Variants in AGMO observed in about 807,000 individuals in gnomAD.
AGMO encodes alkylglycerol monooxygenase.
AGMO carries 75 observed loss-of-function variants against 60.2 expected under a neutral mutation model. That is an observed-to-expected ratio of 1.25 (90% CI 1.03 to 1.51). The LOEUF is 1.51. Among genes scored for constraint, AGMO ranks in the 40% most tolerant of loss-of-function variants. AGMO has a pLI of 0.00. For synonymous variants in AGMO, 261 were observed against 177.1 expected (o/e 1.47, Z -3.76); for missense variants, 763 against 525.5 (o/e 1.45, Z -4.42).
intron 5 of AGMO, among the ~76,000 whole-genome samples, chr7:15,417,288 C>T (rs1780799842): frequency 6.6e-6 from 1 of 152,108 alleles, no homozygotes; most frequent in African/African-American, 2.4e-5. Context: ...ATAAGTCTCA[C>T]CAGTGGCTTT....
At chr7:15,395,707 T>C (rs1583504643) in intron 5 of AGMO, among the ~76,000 whole-genome samples, 2 of 152,228 alleles carry the variant, frequency 1.3e-5, no homozygotes, top group African/African-American at 4.8e-5. Context: ...TTATGAATGT[T>C]TGAAAAAGTT....
At chr7:15,326,133 TCTC>T (rs1478226641) in intron 12 of AGMO, among the ~76,000 whole-genome samples, 1 of 152,078 alleles carries the variant, frequency 6.6e-6, no homozygotes, top group Non-Finnish European at 1.5e-5. Context: ...TAATTTATGA[TCTC>T]CTCAAGACAC....
At position 15,230,670 on chromosome 7, in the gene AGMO, C is replaced by T. The variant is rs148379115; in HGVS notation, c.1264-29311G>A. Among the ~76,000 whole-genome samples, 827 of 152,280 alleles carry T rather than the reference C, an allele frequency of 5.4e-3. 5 individuals carry two copies. Among genetic ancestry groups the T allele is most frequent in the African/African-American group, 0.019 (778 of 41,560 alleles). On this transcript the variant is annotated intron_variant, in intron 12 of 12. Coordinates refer to ENST00000342526, the MANE Select transcript of AGMO (RefSeq NM_001004320.2). ...GTGCAGAAGTCTTTTTCAGGTGGCT[C>T]TGCAGAAACCTCCTTATAAGGGAAA... is the stretch of plus-strand genomic sequence containing the variant.
intron 12 of AGMO, among the ~76,000 whole-genome samples, chr7:15,344,158 C>T (rs540149949): frequency 6.6e-6 from 1 of 152,054 alleles, no homozygotes; most frequent in Non-Finnish European, 1.5e-5. Context: ...AACTGATATA[C>T]CTGAAGCATC....
intron 8 of AGMO, among the ~76,000 whole-genome samples, chr7:15,388,309 A>G (rs1202395212): frequency 6.6e-6 from 1 of 152,178 alleles, no homozygotes; most frequent in Non-Finnish European, 1.5e-5. Context: ...GCTCAAGGTC[A>G]TCGCCAAGCT....
At chr7:15,483,337 C>T (rs879720953) in intron 3 of AGMO, among the ~76,000 whole-genome samples, 2 of 152,070 alleles carry the variant, frequency 1.3e-5, no homozygotes, top group Non-Finnish European at 2.9e-5. Flanking sequence ...GAGGCCGAGG[C>T]GGGCGGATCA....
chr7:15,337,763 G>C (rs577394152), intron 12 of AGMO, among the ~76,000 whole-genome samples: 3 of 152,300 alleles, frequency 2.0e-5, no homozygotes, highest in African/African-American at 4.8e-5. Context: ...TGAGTGCAGC[G>C]ACTGCTGAGT....
At chr7:15,508,417 T>C (rs1351707725) in intron 3 of AGMO, among the ~76,000 whole-genome samples, 3 of 152,170 alleles carry the variant, frequency 2.0e-5, no homozygotes, top group Non-Finnish European at 4.4e-5. Context: ...TAGTGGGTTG[T>C]TTGTTTTCAT....
chr7:15,358,387 A>G (rs1441999576), intron 12 of AGMO: 1 of 470,804 alleles, frequency 2.1e-6, no homozygotes, highest in Non-Finnish European at 4.4e-6. Context: ...TAACGTGGAA[A>G]GGATAATAAG....
chr7:15,370,277 C>T (rs1052872584), intron 10 of AGMO, among the ~76,000 whole-genome samples: 2 of 152,144 alleles, frequency 1.3e-5, no homozygotes, highest in Non-Finnish European at 2.9e-5. Flanking sequence ...ATATGTAACA[C>T]GTTTTCTTCA....
chr7:15,411,662 A>T (rs1470982375), intron 5 of AGMO, among the ~76,000 whole-genome samples: 1 of 152,056 alleles, frequency 6.6e-6, no homozygotes, highest in Non-Finnish European at 1.5e-5. Context: ...TTGATAACGA[A>T]TATGTGCCAA....
chr7:15,452,264 A>G (rs1781874922), intron 3 of AGMO, among the ~76,000 whole-genome samples: 1 of 152,178 alleles, frequency 6.6e-6, no homozygotes, highest in Non-Finnish European at 1.5e-5. Context: ...AAATTTTTGT[A>G]TATTAAATAA....
the AGMO span, among the ~76,000 whole-genome samples, chr7:15,173,811 TG>T: frequency 1.3e-5 from 2 of 151,630 alleles, no homozygotes; most frequent in African/African-American, 4.8e-5. Flanking sequence ...GTTTTTTTTT[TG>T]GTATTTCTTT....
At chr7:15,142,063 C>T in the AGMO span, among the ~76,000 whole-genome samples, 175 of 152,282 alleles carry the variant, frequency 1.1e-3, no homozygotes, top group African/African-American at 3.9e-3. Context: ...AGCTCTAATA[C>T]TATACAGTGG....
At chr7:15,240,966 C>T (rs932661033) in intron 12 of AGMO, among the ~76,000 whole-genome samples, 2 of 152,054 alleles carry the variant, frequency 1.3e-5, no homozygotes, top group African/African-American at 4.8e-5. Context: ...GGTCTTTCTC[C>T]ATCTATTAAA....
intron 12 of AGMO, among the ~76,000 whole-genome samples, chr7:15,326,217 T>A (rs1258919086): frequency 6.6e-6 from 1 of 152,144 alleles, no homozygotes; most frequent in Non-Finnish European, 1.5e-5. Flanking sequence ...ACAGTTAACT[T>A]TTACCACTAG....
chr7:15,441,674 G>T (rs1299699656), intron 3 of AGMO, among the ~76,000 whole-genome samples: 2 of 152,128 alleles, frequency 1.3e-5, no homozygotes, highest in Non-Finnish European at 2.9e-5. Context: ...ACGTTTGCCT[G>T]CGGTAAGACA....
intron 12 of AGMO, among the ~76,000 whole-genome samples, chr7:15,347,334 A>G (rs182746596): frequency 3.4e-4 from 51 of 152,190 alleles, no homozygotes; most frequent in Admixed American, 2.1e-3. Context: ...TAAATGCCAA[A>G]CTAGATAATT....
chr7:15,387,321 T>C lies in AGMO; in HGVS notation c.957+85A>G. 2.1e-6 allele frequency: 3 copies of C among 1,453,270 alleles called. No individual in the cohort carries two copies. The South Asian group carries it at 4.0e-5, about 20-fold the overall frequency. The allele number at this position is 1,453,270 out of a possible 1,614,324, so 90.0% of individuals were successfully genotyped here. ...GGGAACATCTTTTTACAGATTTGCA[T>C]GAAAACAGCGTATGTACAGGCTGGC... On this transcript the variant is annotated intron_variant, in intron 9 of 12. Coordinates refer to ENST00000342526, the MANE Select transcript of AGMO (RefSeq NM_001004320.2).
Sources: allele counts gnomAD v4.1 joint callset (sites outside exome capture counted in the v4.1 genomes callset), GRCh38; gene constraint gnomAD v4.1.1; transcripts MANE v1.5; gene names NCBI Gene and HGNC (gene_info 2026-07-23, HGNC 2026-07-21).